The following NSD2 variants were observed in gnomAD, a reference collection of about 807,000 sequenced individuals.
The protein encoded by NSD2 is nuclear receptor binding SET domain protein 2.
A neutral mutation model predicts 139.0 loss-of-function variants in NSD2; 12 were observed. That is an observed-to-expected ratio of 0.09 (90% CI 0.06 to 0.14). The LOEUF (loss-of-function observed/expected upper bound fraction) is 0.14, where lower values mean the gene tolerates loss of function less well. Among genes scored for constraint, NSD2 ranks in the 10% least tolerant of loss-of-function variants. The pLI is 1.00. For missense variants in NSD2, 1,155 were observed against 1,745.0 expected (o/e 0.66, Z 6.02); for synonymous variants, 669 against 648.7 (o/e 1.03, Z -0.48).
At chr4:1,968,285 T>A (rs1375095930) in intron 18 of NSD2, among the ~76,000 whole-genome samples, 1 of 152,198 alleles carries the variant, frequency 6.6e-6, no homozygotes, top group Admixed American at 6.5e-5. Flanking sequence ...ATGTCTTAAA[T>A]AAGTCAGGTT....
intron 3 of NSD2, among the ~76,000 whole-genome samples, chr4:1,911,388 GA>G (rs1270569532): frequency 6.6e-6 from 1 of 151,960 alleles, no homozygotes; most frequent in African/African-American, 2.4e-5. Flanking sequence ...AGGAGTTCGA[GA>G]CCAGCCTGGC....
intron 1 of NSD2, among the ~76,000 whole-genome samples, chr4:1,873,513 C>T (rs1486789297): frequency 2.0e-5 from 3 of 152,128 alleles, no homozygotes; most frequent in Admixed American, 1.3e-4. Flanking sequence ...CTGAAGTGTG[C>T]GGACCCAAAT....
At position 1,975,021 on chromosome 4, in the gene NSD2, C is replaced by G. The variant is rs764490108; in HGVS notation, c.3514+17C>G. On this transcript the variant is annotated intron_variant, in intron 19 of 21. Transcript: ENST00000508803. Reference sequence around the variant, plus strand: ...TTCCTGCAGGTACAAGCTCTGGGGACCCTGCATGGGGCTCCTGGCTATGGG... The same window carrying G: ...TTCCTGCAGGTACAAGCTCTGGGGAGCCTGCATGGGGCTCCTGGCTATGGG... 70 of 1,613,834 alleles carry G rather than the reference C, an allele frequency of 4.3e-5. 1 individual carries two copies. The Middle Eastern group carries it at 3.3e-3, about 77-fold the overall frequency.
At position 1,913,229 on chromosome 4, in the gene NSD2, A is replaced by G. The variant is rs200023148; in HGVS notation, c.761-3642A>G. On this transcript the variant is annotated intron_variant, in intron 3 of 21. Transcript: ENST00000508803. Reference sequence around the variant, plus strand: ...TAGAGGGCTCCTTGGACTAGCGGTAACGCCAGTGCCTGGGAAGGCACCTGT... The same window carrying G: ...TAGAGGGCTCCTTGGACTAGCGGTAGCGCCAGTGCCTGGGAAGGCACCTGT... 5.3e-5 allele frequency among the ~76,000 whole-genome samples: 8 copies of G among 152,356 alleles called. No individual in the cohort carries two copies. The East Asian group carries it at 1.5e-3, about 29-fold the overall frequency.
chr4:1,872,639 C>CAA (rs1713955655), intron 1 of NSD2, among the ~76,000 whole-genome samples: 6 of 50,542 alleles, frequency 1.2e-4, no homozygotes, highest in Admixed American at 1.8e-4. Context: ...AGAGAGAGCG[C>CAA]GCAGACCCTG....
At chr4:1,971,704 G>T (rs1016955241) in intron 18 of NSD2, among the ~76,000 whole-genome samples, 11 of 152,118 alleles carry the variant, frequency 7.2e-5, no homozygotes, top group Admixed American at 5.9e-4. Flanking sequence ...AGCCGGTGGG[G>T]TGCACCTGAA....
Position 1,942,416 on chromosome 4 carries a change from C to A in NSD2, c.1881+2638C>A. ...ACTGCACTTAGAATGATGTAATATT[C>A]CAGGATGCTGCTGCAGGTGGCGTAT... On this transcript the variant is annotated intron_variant, in intron 9 of 21. Coordinates refer to ENST00000508803, the MANE Select transcript of NSD2 (RefSeq NM_001042424.3). This position sits in a 1 kb window ranked among gnomAD's most constrained non-coding sequence, Gnocchi z 4.0. 1 of 1,605,458 alleles carries A rather than the reference C, an allele frequency of 6.2e-7. No homozygotes were observed. Among genetic ancestry groups the A allele is most frequent in the South Asian group, 1.1e-5 (1 of 89,006 alleles).
At chr4:1,952,343 C>A in intron 11 of NSD2, 112 bp downstream of exon 11, 3 of 1,482,744 alleles carry the variant, frequency 2.0e-6, no homozygotes, top group Non-Finnish European at 2.7e-6. Context: ...CCCTCCCCAC[C>A]CCCACCGCCT....
chr4:1,872,579 TGTGTGTGTGTGTGA>T (rs1304822811), intron 1 of NSD2, among the ~76,000 whole-genome samples: 3 of 69,070 alleles, frequency 4.3e-5, no homozygotes, highest in African/African-American at 1.5e-4. Flanking sequence ...TGTGTGTGTG[TGTGTGTGTGTGTGA>T]GAGAGAGAGA....
intron 3 of NSD2, among the ~76,000 whole-genome samples, chr4:1,915,882 CCCCT>C: frequency 6.6e-6 from 1 of 152,054 alleles, no homozygotes; most frequent in Non-Finnish European, 1.5e-5. Flanking sequence ...CAGGGAGATC[CCCCT>C]CCCTCCTCTC....
chr4:1,923,353 G>C (rs1720418570), intron 5 of NSD2, among the ~76,000 whole-genome samples: 1 of 151,456 alleles, frequency 6.6e-6, no homozygotes, highest in South Asian at 2.1e-4. Flanking sequence ...TATGTGTCAA[G>C]GACACCATCG....
chr4:1,901,254 AT>A lies in NSD2; in HGVS notation c.597+6del. On this transcript the variant is annotated splice_donor_region_variant and intron_variant, in intron 2 of 21. Coordinates refer to ENST00000508803, the MANE Select transcript of NSD2 (RefSeq NM_001042424.3). ...TCTCAAGTCCTTCAGATAAAAAGGT[AT>A]TTAGGAGACGTTGTGTAAGGGGTCA... The A allele has an allele frequency of 6.4e-7, 1 of 1,555,522 alleles. No homozygotes were observed. Among genetic ancestry groups the A allele is most frequent in the Non-Finnish European group, 8.6e-7 (1 of 1,156,262 alleles).
At position 1,956,321 on chromosome 4, in the gene NSD2, A is replaced by C. The variant is rs909680546; in HGVS notation, c.2881+133A>C. On this transcript the variant is annotated intron_variant, in intron 15 of 21. Transcript: ENST00000508803. The surrounding 1 kb of genome is among the most constrained non-coding windows in gnomAD (Gnocchi z 5.3). ...TTCAATCTGTTTTTTTAAATTAGGA[A>C]AATGTTTGCAGTCTGGTTTATTTGT... The C allele has an allele frequency of 3.9e-6, 3 of 773,764 alleles. No homozygotes were observed. The highest frequency in any genetic ancestry group is 5.7e-6 in the Non-Finnish European group (3 of 522,718). The allele number at this position is 773,764 out of a possible 1,614,324, so 47.9% of individuals were successfully genotyped here.
intron 1 of NSD2, among the ~76,000 whole-genome samples, chr4:1,886,040 A>T (rs1039808748): frequency 6.6e-6 from 1 of 152,084 alleles, no homozygotes; most frequent in East Asian, 1.9e-4. Context: ...GCTCTCACCA[A>T]CCAAAATGTT....
intron 9 of NSD2, 45 bp downstream of exon 9, chr4:1,939,823 C>T: frequency 6.2e-7 from 1 of 1,613,330 alleles, no homozygotes; most frequent in Non-Finnish European, 8.5e-7. Context: ...GGTATGAAGG[C>T]CATTTAGCTG....
Position 1,942,820 on chromosome 4 carries a change from TAGG to T in NSD2, c.1881+3048_1881+3050del, listed in dbSNP as rs1046151236. 1.9e-6 allele frequency: 2 copies of T among 1,073,578 alleles called. No homozygotes were observed. The highest frequency in any genetic ancestry group is 1.6e-5 in the African/African-American group (1 of 61,196). 66.5% of individuals were successfully genotyped at this position (1,073,578 alleles called of 1,614,324 possible). On this transcript the variant is annotated intron_variant, in intron 9 of 21. Coordinates refer to ENST00000508803, the MANE Select transcript of NSD2 (RefSeq NM_001042424.3). This position sits in a 1 kb window ranked among gnomAD's most constrained non-coding sequence, Gnocchi z 4.0. The stretch of plus-strand genomic sequence containing the variant: ...TCAGAAACAAACTAACAGCACACGT[TAGG>T]AGGAGTCCTCATCAGCTGTTCTCAT...
chr4:1,945,691 C>T, intron 9 of NSD2: 1 of 1,063,338 alleles, frequency 9.4e-7, no homozygotes, highest in Non-Finnish European at 1.1e-6. Context: ...AAGTCCTTGG[C>T]TCGTTTGATC....
intron 12 of NSD2, among the ~76,000 whole-genome samples, chr4:1,954,148 C>T (rs890104673): frequency 6.6e-6 from 1 of 152,088 alleles, no homozygotes; most frequent in Non-Finnish European, 1.5e-5. Context: ...CCATACCTAC[C>T]TAATTTTTGT....
chr4:1,964,167 G>T (rs1725643901), intron 18 of NSD2, among the ~76,000 whole-genome samples: 1 of 152,160 alleles, frequency 6.6e-6, no homozygotes, highest in Non-Finnish European at 1.5e-5. Flanking sequence ...ATTAGAAATG[G>T]TTAAAGCCAT....
Sources: allele counts gnomAD v4.1 joint callset (sites outside exome capture counted in the v4.1 genomes callset), GRCh38; gene constraint gnomAD v4.1.1; non-coding constraint Gnocchi (gnomAD v3.1); transcripts MANE v1.5; gene names NCBI Gene and HGNC (gene_info 2026-07-23, HGNC 2026-07-21).